The following GPM6A variants were observed in gnomAD, a reference collection of about 807,000 sequenced individuals.
GPM6A encodes the protein neuronal membrane glycoprotein M6-a.
Under a neutral mutation model 32.1 loss-of-function variants are expected in GPM6A, and 7 were observed. That is an observed-to-expected ratio of 0.22 (90% CI 0.12 to 0.41). The LOEUF (loss-of-function observed/expected upper bound fraction) is 0.41. GPM6A is among the 10% of genes least tolerant of loss of function. The pLI is 1.00. For missense variants in GPM6A, 235 were observed against 347.2 expected (o/e 0.68, Z 2.57); for synonymous variants, 130 against 123.4 (o/e 1.05, Z -0.35).
chr4:175,831,648 T>C (rs1201077288), intron 1 of GPM6A, among the ~76,000 whole-genome samples: 4 of 151,864 alleles, frequency 2.6e-5, no homozygotes, highest in South Asian at 2.1e-4. Context: ...TTCCCTTCAG[T>C]TCATTTCCCC....
At position 175,780,926 on chromosome 4, in the gene GPM6A, G is replaced by A. The variant is rs78839490; in HGVS notation, c.37+31265C>T. On this transcript the variant is annotated intron_variant, in intron 1 of 6. Coordinates refer to ENST00000393658, the MANE Select transcript of GPM6A (RefSeq NM_201591.3). ...AATTCTGTCTACTCAGATTAGTCAGGTTAAATGATAAAAGGTGTAGAAAAG... is the reference window on the plus strand; with the variant it reads ...AATTCTGTCTACTCAGATTAGTCAGATTAAATGATAAAAGGTGTAGAAAAG... Among the ~76,000 whole-genome samples, 1,514 of 152,142 alleles carry A rather than the reference G, an allele frequency of 1.0e-2. 17 individuals carry two copies. Among genetic ancestry groups the A allele is most frequent in the Non-Finnish European group, 0.017 (1,163 of 67,986 alleles).
chr4:175,953,046 A>G (rs866346500), intron 1 of GPM6A, among the ~76,000 whole-genome samples: 143 of 151,194 alleles, frequency 9.5e-4, no homozygotes, highest in African/African-American at 2.3e-3. Flanking sequence ...AAAAAAAAAA[A>G]GGAGAGAAAA....
intron 1 of GPM6A, among the ~76,000 whole-genome samples, chr4:175,727,574 A>C (rs1263959456): frequency 6.6e-6 from 1 of 152,216 alleles, no homozygotes; most frequent in Admixed American, 6.5e-5. Context: ...AAAATGCTAT[A>C]CTAATGTGGT....
intron 1 of GPM6A, among the ~76,000 whole-genome samples, chr4:175,801,837 C>T (rs1734483920): frequency 6.6e-6 from 1 of 152,016 alleles, no homozygotes; most frequent in Non-Finnish European, 1.5e-5. Flanking sequence ...GTAAGTATGA[C>T]ACAAAGTTTC....
intron 1 of GPM6A, among the ~76,000 whole-genome samples, chr4:175,889,051 A>G (rs529882019): frequency 6.6e-5 from 10 of 152,352 alleles, no homozygotes; most frequent in African/African-American, 2.4e-4. Context: ...ATGGGAAAAA[A>G]GTGTTGGACA....
chr4:175,667,672 T>C (rs1227900982), intron 3 of GPM6A, among the ~76,000 whole-genome samples: 1 of 152,152 alleles, frequency 6.6e-6, no homozygotes, highest in Non-Finnish European at 1.5e-5. Flanking sequence ...AACTGTACCG[T>C]CTTTACCTTT....
intron 3 of GPM6A, among the ~76,000 whole-genome samples, chr4:175,660,537 A>G (rs1742349106): frequency 6.6e-6 from 1 of 152,214 alleles, no homozygotes; most frequent in South Asian, 2.1e-4. Context: ...ATTTTCTTAG[A>G]AATATAATGC....
intron 2 of GPM6A, among the ~76,000 whole-genome samples, chr4:175,676,000 G>A (rs1743346007): frequency 6.6e-6 from 1 of 152,090 alleles, no homozygotes; most frequent in Admixed American, 6.6e-5. Context: ...GGAGGTAGGT[G>A]AATCATGGGG....
At chr4:175,711,105 T>C (rs1222488869) in intron 1 of GPM6A, among the ~76,000 whole-genome samples, 1 of 152,160 alleles carries the variant, frequency 6.6e-6, no homozygotes, top group African/African-American at 2.4e-5. Flanking sequence ...TACATACATG[T>C]GTACATATAT....
At chr4:175,812,918 T>C, upstream of GPM6A, 2 of 984,960 alleles carry the variant, frequency 2.0e-6, no homozygotes, top group South Asian at 9.4e-5. Context: ...TCAGGGTTTA[T>C]CTGCAAAAGT....
intron 1 of GPM6A, among the ~76,000 whole-genome samples, chr4:175,850,262 A>G (rs1431612954): frequency 6.6e-6 from 1 of 152,210 alleles, no homozygotes; most frequent in African/African-American, 2.4e-5. Flanking sequence ...GTTTATTACA[A>G]TCACCACCGT....
intron 4 of GPM6A, among the ~76,000 whole-genome samples, chr4:175,644,818 C>A (rs968121194): frequency 6.6e-6 from 1 of 152,030 alleles, no homozygotes; most frequent in African/African-American, 2.4e-5. Flanking sequence ...AAGTTATAAG[C>A]AAGGGAGGCC....
chr4:175,815,546 A>T (rs1358250207), upstream of GPM6A, among the ~76,000 whole-genome samples: 1 of 151,940 alleles, frequency 6.6e-6, no homozygotes, highest in East Asian at 1.9e-4. Flanking sequence ...TTTCCATTGT[A>T]TCGTATTGTA....
At chr4:175,769,483 C>T (rs1420829204) in intron 1 of GPM6A, among the ~76,000 whole-genome samples, 1 of 152,154 alleles carries the variant, frequency 6.6e-6, no homozygotes, top group East Asian at 1.9e-4. Flanking sequence ...CAGGTGAGTT[C>T]AGGGAAACAA....
intron 3 of GPM6A, among the ~76,000 whole-genome samples, chr4:175,666,215 C>T (rs1481805297): frequency 1.3e-5 from 2 of 151,896 alleles, no homozygotes; most frequent in Non-Finnish European, 2.9e-5. Context: ...CCACTGTGCC[C>T]GGACTGAGAA....
At chr4:175,660,610 T>C (rs1468548254) in intron 3 of GPM6A, among the ~76,000 whole-genome samples, 2 of 152,190 alleles carry the variant, frequency 1.3e-5, no homozygotes, top group African/African-American at 2.4e-5. Flanking sequence ...TGTACACTAA[T>C]ATAATCACAA....
intron 1 of GPM6A, among the ~76,000 whole-genome samples, chr4:175,791,955 G>A (rs1352412539): frequency 6.6e-6 from 1 of 151,916 alleles, no homozygotes; most frequent in Non-Finnish European, 1.5e-5. Flanking sequence ...CACAACCTGT[G>A]GTCATATTTA....
chr4:175,802,190 T>A (rs1414996954), intron 1 of GPM6A, among the ~76,000 whole-genome samples: 2 of 152,140 alleles, frequency 1.3e-5, no homozygotes, highest in African/African-American at 2.4e-5. Context: ...AAGATTATAC[T>A]TTTCAGCCTG....
At chr4:175,728,839 T>C (rs2111134989) in intron 1 of GPM6A, among the ~76,000 whole-genome samples, 1 of 152,282 alleles carries the variant, frequency 6.6e-6, no homozygotes, top group South Asian at 2.1e-4. Flanking sequence ...ACAAATACTT[T>C]TTCTGCTACT....
Sources: gnomAD v4.1 joint callset for allele counts (sites outside exome capture counted in the v4.1 genomes callset) on GRCh38, gnomAD v4.1.1 for gene constraint, MANE v1.5 for transcripts, NCBI Gene and HGNC (gene_info 2026-07-23, HGNC 2026-07-21) for gene names.